SSR1: variants seen among roughly 807,000 people sequenced by gnomAD.
The protein encoded by SSR1 is signal sequence receptor subunit 1, also known as translocon-associated protein subunit alpha.
A neutral mutation model predicts 36.1 loss-of-function variants in SSR1; 13 were observed. The observed-to-expected ratio is 0.36, with a 90% CI of 0.23 to 0.57. The LOEUF (loss-of-function observed/expected upper bound fraction) is 0.57. Among genes scored for constraint, SSR1 ranks in the 20% least tolerant of loss-of-function variants. The pLI is 0.81. For missense variants in SSR1, 291 were observed against 338.5 expected, an observed-to-expected ratio of 0.86 and a Z score of 1.10; for synonymous variants, 113 against 118.9, an observed-to-expected ratio of 0.95 and a Z score of 0.32.
rs1224096786 is a variant in SSR1 at position 7,288,616 on chromosome 6, T to TA, written c.*1247dup. On this transcript the variant is annotated 3_prime_UTR_variant, in exon 8 of 8. Coordinates refer to ENST00000244763, the MANE Select transcript of SSR1 (RefSeq NM_003144.5). Reference sequence around the variant, plus strand: ...TTAACATTTTCTTATAAAATACATGTAGGAGAATATGGCTTAAAGACAAGA... The same window carrying TA: ...TTAACATTTTCTTATAAAATACATGTAAGGAGAATATGGCTTAAAGACAAGA... 7.2e-5 allele frequency: 11 copies of TA among 152,588 alleles called. No individual in the cohort carries two copies. The East Asian group carries it at 2.1e-3, about 29-fold the overall frequency. 9.5% of individuals were successfully genotyped at this position (152,588 alleles called of 1,614,324 possible).
intron 6 of SSR1, among the ~76,000 whole-genome samples, chr6:7,296,022 C>A (rs1757786943): frequency 2.0e-5 from 3 of 152,196 alleles, no homozygotes. Context: ...TGATATGTTA[C>A]ATGCAGGCAG....
intron 2 of SSR1, among the ~76,000 whole-genome samples, chr6:7,306,673 T>C (rs558017622): frequency 4.7e-5 from 7 of 149,506 alleles, no homozygotes; most frequent in East Asian, 4.2e-4. Context: ...TCCCAGCACT[T>C]CGGGAGGCCG....
chr6:7,306,378 C>T (rs544562492), intron 2 of SSR1, among the ~76,000 whole-genome samples: 29 of 151,908 alleles, frequency 1.9e-4, no homozygotes, highest in African/African-American at 4.8e-4. Flanking sequence ...CTCCTGACCT[C>T]GTGATCCACC....
intron 1 of SSR1, 25 bp from the exon 2 acceptor site, chr6:7,310,054 A>G: frequency 6.3e-7 from 1 of 1,582,548 alleles, no homozygotes; most frequent in Non-Finnish European, 8.7e-7. Context: ...CAGAAAAAGC[A>G]GTTACCCTTT....
At chr6:7,297,201 A>G (rs993597669) in intron 6 of SSR1, 6 of 159,258 alleles carry the variant, frequency 3.8e-5, no homozygotes, top group Non-Finnish European at 6.4e-5. Flanking sequence ...CCTGGATGAA[A>G]GAGCCAGACT....
intron 7 of SSR1, 71 bp downstream of exon 7, chr6:7,295,320 TA>T: frequency 1.5e-6 from 2 of 1,302,372 alleles, no homozygotes; most frequent in Non-Finnish European, 2.1e-6. Context: ...GTTTTTTTTT[TA>T]AACTAAATCT....
chr6:7,306,903 C>T lies in SSR1; in HGVS notation c.192+3014G>A, dbSNP rs115004144. The stretch of plus-strand genomic sequence containing the variant: ...CTGCACTCCAGCCTGGGCGACAGAG[C>T]GAGACTCTGTCTGGGTGGTGGGGGG... On this transcript the variant is annotated intron_variant, in intron 2 of 7. Coordinates refer to ENST00000244763, the MANE Select transcript of SSR1 (RefSeq NM_003144.5). Among the ~76,000 whole-genome samples, 1,016 of 120,654 alleles carry T rather than the reference C, an allele frequency of 8.4e-3. 2 individuals are homozygous for T. Among genetic ancestry groups the T allele is most frequent in the Non-Finnish European group, 0.011 (718 of 62,850 alleles). The allele number at this position is 120,654 out of a possible 152,430, so 79.2% of individuals were successfully genotyped here. A position where few individuals can be genotyped will look rare whatever the true frequency, so the allele number is the denominator to read the frequency against.
chr6:7,305,177 G>A (rs146037044), intron 2 of SSR1, among the ~76,000 whole-genome samples: 4 of 152,226 alleles, frequency 2.6e-5, no homozygotes, highest in Admixed American at 6.5e-5. Context: ...AAAAACAAAC[G>A]GAAGAAGTAA....
intron 3 of SSR1, among the ~76,000 whole-genome samples, chr6:7,303,233 A>G (rs1166697773): frequency 6.7e-6 from 1 of 149,838 alleles, no homozygotes; most frequent in East Asian, 2.0e-4. Flanking sequence ...AGGCTGAGGC[A>G]GGAAAATCGA....
At chr6:7,306,973 T>C (rs79000027) in intron 2 of SSR1, among the ~76,000 whole-genome samples, 19,171 of 150,582 alleles carry the variant, frequency 0.13, 1,577 homozygotes, top group Non-Finnish European at 0.19. Flanking sequence ...AAAAGGTTTG[T>C]CCTCAAAAAT....
At position 7,283,106 on chromosome 6, in the gene SSR1, G is replaced by A. The variant is rs960232514; in HGVS notation, c.*6758C>T. 6.6e-6 allele frequency: 1 copy of A among 152,156 alleles called. No individual in the cohort carries two copies. The highest frequency in any genetic ancestry group is 1.5e-5 in the Non-Finnish European group (1 of 68,036). 9.4% of individuals were successfully genotyped at this position (152,156 alleles called of 1,614,324 possible). A position where few individuals can be genotyped will look rare whatever the true frequency, so the allele number is the denominator to read the frequency against. ...ATTTATGTACTTATTTTTTGAGACA[G>A]TCTCACTCTGTCACCCAGGCTGGAG... is the stretch of plus-strand genomic sequence containing the variant. On this transcript the variant is annotated 3_prime_UTR_variant, in exon 8 of 8. Transcript: ENST00000244763.
Position 7,313,161 on chromosome 6 carries a change from T to A in SSR1, c.-41A>T. On this transcript the variant is annotated 5_prime_UTR_variant, in exon 1 of 8. Transcript: ENST00000244763. ...GTGTCCAGTTTCCGTCGGCTAAGGC[T>A]CTCGGCGGCTCCGGCGGTAATGGCG... 6.4e-7 allele frequency: 1 copy of A among 1,553,280 alleles called. No individual in the cohort carries two copies. Among genetic ancestry groups the A allele is most frequent in the African/African-American group, 1.4e-5 (1 of 72,254 alleles).
At chr6:7,294,468 A>T (rs933219039) in intron 7 of SSR1, among the ~76,000 whole-genome samples, 1 of 152,190 alleles carries the variant, frequency 6.6e-6, no homozygotes, top group Non-Finnish European at 1.5e-5. Flanking sequence ...CTAGCGGATC[A>T]CTTGAGGTCA....
intron 3 of SSR1, among the ~76,000 whole-genome samples, chr6:7,302,946 G>A (rs1049957983): frequency 3.3e-5 from 5 of 151,756 alleles, no homozygotes; most frequent in South Asian, 2.1e-4. Flanking sequence ...AGACCAGCCC[G>A]ACCAACATGG....
intron 1 of SSR1, 142 bp downstream of exon 1, chr6:7,312,900 A>C: frequency 1.2e-6 from 1 of 800,374 alleles, no homozygotes; most frequent in Non-Finnish European, 2.0e-6. Flanking sequence ...CTACGAGCCT[A>C]GGCTTGGGGA....
intron 7 of SSR1, among the ~76,000 whole-genome samples, chr6:7,294,359 T>C (rs1399801376): frequency 1.3e-5 from 2 of 152,166 alleles, no homozygotes; most frequent in Admixed American, 6.5e-5. Flanking sequence ...TATAGATATA[T>C]AGAAATTAAT....
In SSR1 at chr6:7,298,832, GAAAAT is replaced by G; in HGVS notation, c.544-14_544-10del. On this transcript the variant is annotated splice_polypyrimidine_tract_variant and intron_variant, in intron 4 of 7. Transcript: ENST00000244763. ...TCTTGGAATACATTGCCCTGTTTAA[GAAAAT>G]AAAATAATCAGAAAAATCTAAATGC... The G allele has an allele frequency of 1.2e-6, 2 of 1,606,724 alleles. No homozygotes were observed. The highest frequency in any genetic ancestry group is 1.1e-5 in the South Asian group (1 of 90,850).
rs566090124 is a variant in SSR1, at chr6:7,301,306, T to A, written c.543+4A>T. The A allele has an allele frequency of 1.7e-5, 28 of 1,613,116 alleles. 1 individual carries two copies. In the East Asian group the frequency reaches 3.6e-4, roughly 21 times the overall value. On this transcript the variant is annotated splice_donor_region_variant and intron_variant, in intron 4 of 7. Coordinates refer to ENST00000244763, the MANE Select transcript of SSR1 (RefSeq NM_003144.5). ...AAACAAAAAGAAGGTTTAGAGGATC[T>A]TACGTTCAAATCTTTGTAGTTCAGA... is the stretch of plus-strand genomic sequence containing the variant.
intron 3 of SSR1, 76 bp downstream of exon 3, chr6:7,303,474 G>C: frequency 1.1e-6 from 1 of 931,912 alleles, no homozygotes; most frequent in Non-Finnish European, 1.7e-6. Flanking sequence ...ACAGATATGG[G>C]TATTCAGATA....
Sources: gnomAD v4.1 joint callset for allele counts (sites outside exome capture counted in the v4.1 genomes callset) on GRCh38, gnomAD v4.1.1 for gene constraint, MANE v1.5 for transcripts, NCBI Gene and HGNC (gene_info 2026-07-23, HGNC 2026-07-21) for gene names.